Variants in PRH1 observed in about 807,000 individuals in gnomAD.
PRH1 encodes salivary acidic proline-rich phosphoprotein 1/2.
A neutral mutation model predicts 7.9 loss-of-function variants in PRH1; 7 were observed. The ratio of observed to expected loss-of-function variants is 0.89; its 90% CI spans 0.50 to 1.67. The LOEUF (loss-of-function observed/expected upper bound fraction) is 1.67. Among genes scored for constraint, PRH1 ranks in the 40% most tolerant of loss-of-function variants. PRH1 has a pLI of 0.00. For synonymous variants in PRH1, 45 were observed against 80.8 expected, an observed-to-expected ratio of 0.56 and a Z score of 2.38; for missense variants, 109 against 223.6, an observed-to-expected ratio of 0.49 and a Z score of 3.27.
At chr12:10,996,690 T>C (rs1275962853) in intron 1 of PRH1, 9 of 281,936 alleles carry the variant, frequency 3.2e-5, no homozygotes, top group Non-Finnish European at 5.7e-5. Flanking sequence ...CTGAACAGTT[T>C]ATATGAAAAG....
chr12:11,101,220 G>A (rs1309220003), intron 1 of PRH1, among the ~76,000 whole-genome samples: 1 of 152,166 alleles, frequency 6.6e-6, no homozygotes, highest in African/African-American at 2.4e-5. Context: ...CAGGTGTGGT[G>A]GCTCACACCT....
At chr12:10,992,343 G>T (rs537397894) in intron 1 of PRH1, among the ~76,000 whole-genome samples, 1 of 133,100 alleles carries the variant, frequency 7.5e-6, no homozygotes, top group East Asian at 4.4e-4. Context: ...TAATATTTGA[G>T]AACTAAAAAA....
At chr12:10,931,265 C>A in intron 2 of PRH1, 2 of 1,280,820 alleles carry the variant, frequency 1.6e-6, no homozygotes, top group Non-Finnish European at 2.1e-6. Flanking sequence ...CTCTTGAAGG[C>A]AATTCCAATT....
intron 1 of PRH1, among the ~76,000 whole-genome samples, chr12:11,109,593 G>A (rs1020377430): frequency 2.6e-5 from 4 of 152,024 alleles, no homozygotes; most frequent in African/African-American, 7.2e-5. Flanking sequence ...CTGTTAGAAG[G>A]AAAATCAACA....
At chr12:11,063,782 A>G (rs1461691587) in intron 1 of PRH1, among the ~76,000 whole-genome samples, 1 of 152,074 alleles carries the variant, frequency 6.6e-6, no homozygotes, top group East Asian at 1.9e-4. Context: ...AATCCATTGG[A>G]AAGTTCTGGG....
chr12:10,910,652 G>A (rs993155840), intron 2 of PRH1, among the ~76,000 whole-genome samples: 6 of 151,860 alleles, frequency 4.0e-5, no homozygotes, highest in Non-Finnish European at 7.4e-5. Flanking sequence ...TCCTCACCCC[G>A]CCCCACTCTT....
chr12:10,947,572 C>A (rs955928343), intron 2 of PRH1, among the ~76,000 whole-genome samples: 1 of 151,992 alleles, frequency 6.6e-6, no homozygotes, highest in East Asian at 1.9e-4. Context: ...TTGGGTCTTG[C>A]TTTTTTATCC....
At chr12:10,987,528 G>T (rs1190458341) in intron 1 of PRH1, among the ~76,000 whole-genome samples, 1 of 151,598 alleles carries the variant, frequency 6.6e-6, no homozygotes, top group Non-Finnish European at 1.5e-5. Flanking sequence ...TTCATAAATA[G>T]ATACAAACAC....
At chr12:11,118,756 A>G (rs915449943), downstream of PRH1, among the ~76,000 whole-genome samples, 1 of 152,096 alleles carries the variant, frequency 6.6e-6, no homozygotes, top group Non-Finnish European at 1.5e-5. Context: ...GCACTTTGGG[A>G]GGCCGAGGTG....
In PRH1 at chr12:10,908,933, C is replaced by G; in HGVS notation, c.-58-24658G>C. ...GAATCACTTTGTTTACTCTCCACTT[C>G]AAATAGAGAAAAGCAGGGCTAGAGA... On this transcript the variant is annotated intron_variant, in intron 2 of 3. Coordinates refer to the PRH1 transcript ENST00000539853. 1.9e-6 allele frequency: 3 copies of G among 1,613,304 alleles called. No individual in the cohort carries two copies. In the South Asian group the frequency reaches 3.3e-5, roughly 18 times the overall value.
At chr12:11,019,417 G>A (rs1320215045) in intron 1 of PRH1, among the ~76,000 whole-genome samples, 1 of 152,274 alleles carries the variant, frequency 6.6e-6, no homozygotes, top group Admixed American at 6.5e-5. Flanking sequence ...CCAAATAAAT[G>A]TCATCACTGT....
intron 1 of PRH1, among the ~76,000 whole-genome samples, chr12:10,980,563 T>C (rs947448254): frequency 1.3e-5 from 2 of 151,964 alleles, no homozygotes; most frequent in Admixed American, 1.3e-4. Flanking sequence ...TAGATGTACA[T>C]AAATAAATAA....
chr12:11,160,224 C>T (rs1947373029), intron 1 of PRH1, among the ~76,000 whole-genome samples: 1 of 152,148 alleles, frequency 6.6e-6, no homozygotes, highest in African/African-American at 2.4e-5. Context: ...ACATACCAAG[C>T]ATTTTTGTTG....
At chr12:11,147,444 T>A (rs984857641) in intron 1 of PRH1, among the ~76,000 whole-genome samples, 1 of 152,174 alleles carries the variant, frequency 6.6e-6, no homozygotes, top group African/African-American at 2.4e-5. Flanking sequence ...TGCCTGGGCC[T>A]CCCAACATGC....
At chr12:11,113,591 A>C (rs565643889) in intron 1 of PRH1, among the ~76,000 whole-genome samples, 1 of 152,330 alleles carries the variant, frequency 6.6e-6, no homozygotes, top group East Asian at 1.9e-4. Flanking sequence ...CTTAAATGTA[A>C]TATCCAAAAC....
rs1407006996 is a variant in PRH1 at position 10,949,291 on chromosome 12, T to C, written c.-59+24364A>G. Among the ~76,000 whole-genome samples the C allele has an allele frequency of 2.0e-5, 3 of 152,300 alleles. No homozygotes were observed. The East Asian group carries it at 5.8e-4, about 29-fold the overall frequency. On this transcript the variant is annotated intron_variant, in intron 2 of 3. Coordinates refer to the PRH1 transcript ENST00000539853. The stretch of plus-strand genomic sequence containing the variant: ...TTTGTGGGACCCATGGAAGTCTAAC[T>C]GGGTTTCTCTCCTTGGGTTGACTGC...
chr12:11,079,679 A>T (rs796184767), intron 1 of PRH1, among the ~76,000 whole-genome samples: 1 of 64,978 alleles, frequency 1.5e-5, no homozygotes, highest in East Asian at 4.0e-4. Flanking sequence ...AAAAATAGAC[A>T]GAGAATGTCA....
At chr12:10,886,358 T>C (rs1310959810), upstream of PRH1, among the ~76,000 whole-genome samples, 2 of 152,098 alleles carry the variant, frequency 1.3e-5, no homozygotes, top group Non-Finnish European at 2.9e-5. Context: ...GCAAGACAGG[T>C]TTCTCCTTGG....
chr12:10,974,224 C>T (rs1938978271), intron 1 of PRH1, among the ~76,000 whole-genome samples: 1 of 152,146 alleles, frequency 6.6e-6, no homozygotes, highest in Admixed American at 6.5e-5. Context: ...TAGGCTACTG[C>T]CAATGTCCAT....
Sources: allele counts gnomAD v4.1 joint callset (sites outside exome capture counted in the v4.1 genomes callset), GRCh38; gene constraint gnomAD v4.1.1; transcripts MANE v1.5; gene names NCBI Gene and HGNC (gene_info 2026-07-23, HGNC 2026-07-21).